The following CDKL5 variants were observed in gnomAD, a reference collection of about 807,000 sequenced individuals.
CDKL5 encodes cyclin-dependent kinase-like 5.
Under a neutral mutation model 61.7 loss-of-function variants are expected in CDKL5, and 8 were observed. The ratio of observed to expected loss-of-function variants is 0.13; its 90% CI spans 0.08 to 0.23. The LOEUF (loss-of-function observed/expected upper bound fraction) is 0.23, where lower values mean the gene tolerates loss of function less well. CDKL5 is among the 10% of genes least tolerant of loss of function. CDKL5 has a pLI of 1.00. For missense variants in CDKL5, 440 were observed against 734.5 expected, an observed-to-expected ratio of 0.60 and a Z score of 4.63; for synonymous variants, 275 against 272.3, an observed-to-expected ratio of 1.01 and a Z score of -0.10.
chrX:18,553,063 G>T (rs1270095193), intron 3 of CDKL5, among the ~76,000 whole-genome samples: 1 of 111,222 alleles, frequency 9.0e-6, no homozygotes, highest in East Asian at 2.8e-4. Flanking sequence ...GCTTGACCAG[G>T]GGTAGGAGGA....
At chrX:18,450,949 A>G (rs1363465142) in intron 1 of CDKL5, among the ~76,000 whole-genome samples, 2 of 108,661 alleles carry the variant, frequency 1.8e-5, no homozygotes, top group Non-Finnish European at 3.8e-5. Context: ...AGCACAGAAC[A>G]CTTTAAAGTT....
chrX:18,439,207 A>G (rs1931682256), intron 1 of CDKL5, among the ~76,000 whole-genome samples: 1 of 109,225 alleles, frequency 9.2e-6, no homozygotes, highest in African/African-American at 3.4e-5. Context: ...TTATAATTGG[A>G]TCCACACTGG....
At chrX:18,475,152 T>C (rs1047936810) in intron 1 of CDKL5, among the ~76,000 whole-genome samples, 1 of 110,256 alleles carries the variant, frequency 9.1e-6, no homozygotes, top group African/African-American at 3.3e-5. Context: ...AGAGACGGGG[T>C]TTCACCATGT....
At chrX:18,621,629 A>G (rs1055758626) in intron 16 of CDKL5, among the ~76,000 whole-genome samples, 4 of 111,261 alleles carry the variant, frequency 3.6e-5, no homozygotes, top group Non-Finnish European at 7.5e-5. Flanking sequence ...CAGTTTATCT[A>G]TCTATATCTA....
chrX:18,490,467 G>GAA (rs35163585), intron 1 of CDKL5, among the ~76,000 whole-genome samples: 1 of 99,582 alleles, frequency 1.0e-5, no homozygotes. Flanking sequence ...GCTGTCTGGG[G>GAA]AAAAAAAAAA....
chrX:18,449,121 C>T (rs933875720), intron 1 of CDKL5, among the ~76,000 whole-genome samples: 9 of 112,524 alleles, frequency 8.0e-5, no homozygotes, highest in Middle Eastern at 4.6e-3. Context: ...TCCCAAAGTG[C>T]TGGGATTACA....
intron 3 of CDKL5, among the ~76,000 whole-genome samples, chrX:18,533,436 T>A (rs1923715142): frequency 9.0e-6 from 1 of 111,681 alleles, no homozygotes; most frequent in South Asian, 3.8e-4. Flanking sequence ...CCTCCCAAAA[T>A]GTTTTTTTAA....
At chrX:18,539,152 TATTA>T (rs1352099809) in intron 3 of CDKL5, among the ~76,000 whole-genome samples, 1 of 111,924 alleles carries the variant, frequency 8.9e-6, no homozygotes, top group African/African-American at 3.2e-5. Context: ...AGTTTATCAA[TATTA>T]ATTGTTCTTT....
chrX:18,486,206 C>T (rs1257583630), intron 1 of CDKL5, among the ~76,000 whole-genome samples: 1 of 111,713 alleles, frequency 9.0e-6, no homozygotes, highest in Non-Finnish European at 1.9e-5. Flanking sequence ...AATGCCTTTA[C>T]CCATTTTGTC....
chrX:18,436,441 G>C, intron 1 of CDKL5, among the ~76,000 whole-genome samples: 2 of 111,628 alleles, frequency 1.8e-5, no homozygotes. Flanking sequence ...TCTGTCCTTG[G>C]GGGAAGAGGT....
intron 15 of CDKL5, among the ~76,000 whole-genome samples, chrX:18,616,621 G>T (rs1021934202): frequency 9.7e-6 from 1 of 103,553 alleles, no homozygotes; most frequent in Non-Finnish European, 2.0e-5. Flanking sequence ...GCGAAACTCC[G>T]TCTAAAAAAA....
intron 3 of CDKL5, among the ~76,000 whole-genome samples, chrX:18,546,258 CTTTTTTT>C (rs935420091): frequency 1.3e-4 from 12 of 90,495 alleles, no homozygotes; most frequent in Non-Finnish European, 2.2e-4. Context: ...TCTACTTCTT[CTTTTTTT>C]TTTTTTTTTT....
At chrX:18,597,184 T>C (rs1356386807) in intron 10 of CDKL5, among the ~76,000 whole-genome samples, 1 of 111,118 alleles carries the variant, frequency 9.0e-6, no homozygotes, top group Non-Finnish European at 1.9e-5. Context: ...TGCCTTATTA[T>C]CAAATGTTAT....
At chrX:18,625,398 C>T in intron 17 of CDKL5, 151 bp downstream of exon 17, 1 of 583,405 alleles carries the variant, frequency 1.7e-6, no homozygotes, top group Non-Finnish European at 2.8e-6. Context: ...TAGCCAGATG[C>T]ATCTCGTGAG....
At chrX:18,489,985 A>T (rs564698656) in intron 1 of CDKL5, among the ~76,000 whole-genome samples, 2 of 111,398 alleles carry the variant, frequency 1.8e-5, no homozygotes, top group African/African-American at 6.5e-5. Context: ...GCTGTATCAC[A>T]GTTCGTGGTC....
Position 18,575,451 on chromosome X carries a change from G to C in CDKL5, c.243G>C (p.Arg81=). The change falls in exon 5 of 18, where the codon CGG becomes CGC. Residue 81 remains arginine (R), a synonymous_variant. Transcript: ENST00000623535. ...NIVELKEAFR[R]RGKLYLVFEY... is the part of the protein sequence containing the mutation. ...TGGAGTTGAAGGAAGCATTTCGTCG[G>C]AGGGGAAAGTTGTACTTGGTGTTTG... 8.3e-7 allele frequency: 1 copy of C among 1,210,327 alleles called. No homozygotes were observed. The highest frequency in any genetic ancestry group is 1.8e-5 in the South Asian group (1 of 56,979).
intron 1 of CDKL5, among the ~76,000 whole-genome samples, chrX:18,466,568 T>C (rs1257916990): frequency 1.8e-5 from 2 of 111,256 alleles, no homozygotes; most frequent in East Asian, 5.7e-4. Context: ...CAGGTTGGAG[T>C]GTGGTTGCTC....
intron 3 of CDKL5, among the ~76,000 whole-genome samples, chrX:18,554,392 A>T (rs1602257774): frequency 9.5e-6 from 1 of 104,884 alleles, no homozygotes. Flanking sequence ...TTTTCAGTAT[A>T]CCTTTTGGTA....
In CDKL5 at chrX:18,629,966, C is replaced by T. The variant is rs1021564680; in HGVS notation, c.*1209C>T. ...TGTCTGCAGATCTTGCAAACCATCT[C>T]TATGCTCCTGAATATTGTCCACTGT... On this transcript the variant is annotated 3_prime_UTR_variant, in exon 18 of 18. Transcript: ENST00000623535. The T allele has an allele frequency of 4.0e-6, 3 of 752,291 alleles. No homozygotes were observed. Among genetic ancestry groups the T allele is most frequent in the Non-Finnish European group, 4.7e-6 (3 of 638,893 alleles). The allele number at this position is 752,291 out of a possible 1,213,427, so 62.0% of individuals were successfully genotyped here.
Sources: gnomAD v4.1 joint callset for allele counts (sites outside exome capture counted in the v4.1 genomes callset) on GRCh38, gnomAD v4.1.1 for gene constraint, MANE v1.5 for transcripts, NCBI Gene and HGNC (gene_info 2026-07-23, HGNC 2026-07-21) for gene names.